Variants in RMST observed in about 807,000 individuals in gnomAD.
RMST encodes long intergenic non-protein coding RNA 54.
At chr12:97,524,219 A>G (rs1880864648) in intron 10 of RMST, among the ~76,000 whole-genome samples, 1 of 152,050 alleles carries the variant, frequency 6.6e-6, no homozygotes, top group African/African-American at 2.4e-5. Context: ...CAGCAGCAGC[A>G]GCATTTGAGA....
chr12:97,484,327 T>C (rs905950913), intron 5 of RMST, among the ~76,000 whole-genome samples: 1 of 152,202 alleles, frequency 6.6e-6, no homozygotes, highest in Admixed American at 6.5e-5. Context: ...CAGAAGTGGA[T>C]ACCATTCTGA....
intron 10 of RMST, among the ~76,000 whole-genome samples, chr12:97,508,182 G>C (rs1031021313): frequency 3.8e-4 from 58 of 152,098 alleles, no homozygotes; most frequent in African/African-American, 1.3e-3. Context: ...ATGGTAAGAA[G>C]GGAAATAAAA....
chr12:97,538,000 A>G lies in RMST; in HGVS notation n.1545+7141A>G, dbSNP rs565911140. The stretch of plus-strand genomic sequence containing the variant: ...ATCAATATATTTGAAGATTATATCC[A>G]CCTACCATCCCAAAGATGAAGATGG... On this transcript the variant is annotated intron_variant and non_coding_transcript_variant, in intron 11 of 13. Transcript: ENST00000640149. 2.0e-5 allele frequency among the ~76,000 whole-genome samples: 3 copies of G among 151,544 alleles called. No individual in the cohort carries two copies. In the South Asian group the frequency reaches 6.2e-4, roughly 31 times the overall value.
At chr12:97,532,811 G>A (rs930172339) in intron 11 of RMST, 6 of 151,666 alleles carry the variant, frequency 4.0e-5, no homozygotes, top group African/African-American at 1.5e-4. Flanking sequence ...CTTTCACATG[G>A]AAATGGGAAT....
chr12:97,557,023 G>A lies in RMST; in HGVS notation n.1546-3514G>A, dbSNP rs968293330. On this transcript the variant is annotated intron_variant and non_coding_transcript_variant, in intron 11 of 13. Coordinates refer to ENST00000640149, the Ensembl canonical transcript of RMST. The stretch of plus-strand genomic sequence containing the variant: ...TTTCACTTAAAACAAGGTGCTTAAC[G>A]TTTTTGGTCAAAGTTAAAATAGAAT... Among the ~76,000 whole-genome samples the A allele has an allele frequency of 5.3e-5, 8 of 151,968 alleles. No individual in the cohort carries two copies. In the East Asian group the frequency reaches 5.8e-4, roughly 11 times the overall value.
At chr12:97,558,871 G>A (rs148565010) in intron 11 of RMST, among the ~76,000 whole-genome samples, 7 of 152,260 alleles carry the variant, frequency 4.6e-5, no homozygotes, top group Middle Eastern at 3.4e-3. Flanking sequence ...GTTCCCAGGC[G>A]TAACAGAAGG....
intron 10 of RMST, among the ~76,000 whole-genome samples, chr12:97,496,476 A>C (rs1281346224): frequency 6.6e-6 from 1 of 152,184 alleles, no homozygotes; most frequent in Non-Finnish European, 1.5e-5. Context: ...TTTACGTGTC[A>C]TTATTTGCTC....
chr12:97,511,547 G>C (rs1183420317), intron 10 of RMST, among the ~76,000 whole-genome samples: 3 of 152,118 alleles, frequency 2.0e-5, no homozygotes, highest in African/African-American at 7.2e-5. Flanking sequence ...AACTGCATAA[G>C]GTAGTGAAAG....
At chr12:97,475,680 T>C (rs1874473839) in intron 5 of RMST, among the ~76,000 whole-genome samples, 2 of 151,862 alleles carry the variant, frequency 1.3e-5, no homozygotes, top group African/African-American at 4.8e-5. Flanking sequence ...CAGGTTACTA[T>C]ACAGAGGTTT....
intron 10 of RMST, among the ~76,000 whole-genome samples, chr12:97,524,099 A>AAAAAAAAAAAAAAAAAAAAAAAAC (rs1565931331): frequency 6.7e-6 from 1 of 148,656 alleles, no homozygotes; most frequent in African/African-American, 2.5e-5. Flanking sequence ...AAAAAAAAAA[A>AAAAAAAAAAAAAAAAAAAAAAAAC]AAAATCACAT....
chr12:97,557,489 A>G (rs140181001), intron 11 of RMST, among the ~76,000 whole-genome samples: 5 of 152,294 alleles, frequency 3.3e-5, no homozygotes, highest in Non-Finnish European at 7.4e-5. Flanking sequence ...TTGGAGACTT[A>G]GCTATACCTA....
chr12:97,530,713 C>T (rs1431405197), exon 11 of RMST: 1 of 152,112 alleles, frequency 6.6e-6, no homozygotes. Context: ...GTTGCTACTA[C>T]ATCTGCAAAG....
intron 5 of RMST, among the ~76,000 whole-genome samples, chr12:97,474,324 C>T (rs1874273905): frequency 1.3e-5 from 2 of 152,130 alleles, no homozygotes; most frequent in Admixed American, 1.3e-4. Flanking sequence ...AGGTGCTGCA[C>T]ACCTTCTCCC....
At chr12:97,505,826 CA>C (rs1565926052) in intron 10 of RMST, among the ~76,000 whole-genome samples, 1 of 151,910 alleles carries the variant, frequency 6.6e-6, no homozygotes, top group African/African-American at 2.4e-5. Flanking sequence ...TCCTTGTTAC[CA>C]AAAAAATTCA....
At chr12:97,547,569 TTCTG>T (rs1592783789) in intron 11 of RMST, among the ~76,000 whole-genome samples, 1 of 152,146 alleles carries the variant, frequency 6.6e-6, no homozygotes, top group African/African-American at 2.4e-5. Flanking sequence ...TCTTTTGTCT[TTCTG>T]ATAATAGCCA....
chr12:97,528,356 A>C (rs1881315805), intron 10 of RMST, among the ~76,000 whole-genome samples: 1 of 152,066 alleles, frequency 6.6e-6, no homozygotes, highest in Admixed American at 6.6e-5. Context: ...ATTAATTGCC[A>C]AATTTATTTC....
intron 5 of RMST, among the ~76,000 whole-genome samples, chr12:97,476,816 T>C (rs1226778865): frequency 6.6e-6 from 1 of 152,114 alleles, no homozygotes; most frequent in Non-Finnish European, 1.5e-5. Flanking sequence ...ATAGATATAA[T>C]AAATTTGGAA....
At chr12:97,472,773 A>AAAG (rs1486576097) in intron 5 of RMST, among the ~76,000 whole-genome samples, 1 of 152,144 alleles carries the variant, frequency 6.6e-6, no homozygotes, top group Non-Finnish European at 1.5e-5. Flanking sequence ...AAATTGGGTA[A>AAAG]AAGTTGGTAT....
At chr12:97,506,140 G>A (rs561452735) in intron 10 of RMST, among the ~76,000 whole-genome samples, 11 of 152,022 alleles carry the variant, frequency 7.2e-5, no homozygotes, top group South Asian at 6.2e-4. Context: ...ATAAACATTC[G>A]TGACCACATT....
Sources: gnomAD v4.1 joint callset for allele counts (sites outside exome capture counted in the v4.1 genomes callset) on GRCh38, gnomAD v4.1.1 for gene constraint, MANE v1.5 for transcripts, NCBI Gene and HGNC (gene_info 2026-07-23, HGNC 2026-07-21) for gene names.